Variants in PTPRD observed in about 807,000 individuals in gnomAD.
PTPRD encodes the protein protein tyrosine phosphatase receptor type D, also known as receptor-type tyrosine-protein phosphatase delta.
Under a neutral mutation model 214.5 loss-of-function variants are expected in PTPRD, and 34 were observed. The ratio of observed to expected loss-of-function variants is 0.16; its 90% CI spans 0.12 to 0.21. PTPRD has a LOEUF of 0.21. PTPRD is among the 10% of genes least tolerant of loss of function. The pLI is 1.00. For missense variants in PTPRD, 2,545 were observed against 2,398.7 expected (o/e 1.06, Z -1.27); for synonymous variants, 1,128 against 845.7 (o/e 1.33, Z -5.79).
intron 12 of PTPRD, among the ~76,000 whole-genome samples, chr9:8,702,158 T>C (rs967824220): frequency 4.6e-5 from 7 of 152,132 alleles, no homozygotes; most frequent in African/African-American, 7.2e-5. Flanking sequence ...TGTCAGACGG[T>C]TGCTTGGATT....
At chr9:9,777,181 C>T (rs373770535) in intron 5 of PTPRD, among the ~76,000 whole-genome samples, 24 of 152,180 alleles carry the variant, frequency 1.6e-4, no homozygotes, top group African/African-American at 5.8e-4. Context: ...AGATGTTCCT[C>T]AATAAAATGA....
chr9:9,828,039 C>A (rs1349785476), intron 5 of PTPRD, among the ~76,000 whole-genome samples: 1 of 152,132 alleles, frequency 6.6e-6, no homozygotes, highest in East Asian at 1.9e-4. Context: ...AATAGGAACA[C>A]TTTTACACTG....
chr9:10,227,467 G>T (rs1479568268), intron 3 of PTPRD, among the ~76,000 whole-genome samples: 1 of 151,724 alleles, frequency 6.6e-6, no homozygotes, highest in Non-Finnish European at 1.5e-5. Context: ...ACTCTTTCGC[G>T]TGAAAACTTT....
At chr9:9,333,103 T>C (rs1595919036) in intron 9 of PTPRD, among the ~76,000 whole-genome samples, 1 of 152,046 alleles carries the variant, frequency 6.6e-6, no homozygotes, top group South Asian at 2.1e-4. Flanking sequence ...AAAGACCACA[T>C]TTCTGGCTGC....
intron 2 of PTPRD, among the ~76,000 whole-genome samples, chr9:10,527,101 A>G (rs2054532886): frequency 6.6e-6 from 1 of 152,184 alleles, no homozygotes; most frequent in Admixed American, 6.6e-5. Flanking sequence ...GACAAAAGAC[A>G]AATACAATTG....
At chr9:10,170,565 T>C (rs2099195938) in intron 3 of PTPRD, among the ~76,000 whole-genome samples, 1 of 151,952 alleles carries the variant, frequency 6.6e-6, no homozygotes, top group Admixed American at 6.6e-5. Flanking sequence ...CAGGCGCCTG[T>C]AGTCCCAGCT....
chr9:9,920,212 A>G (rs2082167788), intron 5 of PTPRD, among the ~76,000 whole-genome samples: 1 of 152,138 alleles, frequency 6.6e-6, no homozygotes, highest in African/African-American at 2.4e-5. Context: ...GGATATTAGA[A>G]AACAGAACAG....
In PTPRD at chr9:8,586,889, T is replaced by C. The variant is rs578191682; in HGVS notation, c.352+46428A>G. On this transcript the variant is annotated intron_variant, in intron 14 of 45. Transcript: ENST00000381196. Reference sequence around the variant, plus strand: ...CCGGCTGGGCGCCGTGGCTCAGGCCTGTAATCCCAGCACTTTGGGAGACTG... The same window carrying C: ...CCGGCTGGGCGCCGTGGCTCAGGCCCGTAATCCCAGCACTTTGGGAGACTG... Among the ~76,000 whole-genome samples, 647 of 152,328 alleles carry C rather than the reference T, an allele frequency of 4.2e-3. 4 individuals carry two copies. Among genetic ancestry groups the C allele is most frequent in the Non-Finnish European group, 7.7e-3 (523 of 68,036 alleles).
At chr9:9,325,649 T>C (rs1969667161) in intron 9 of PTPRD, among the ~76,000 whole-genome samples, 2 of 152,174 alleles carry the variant, frequency 1.3e-5, no homozygotes, top group Non-Finnish European at 2.9e-5. Flanking sequence ...CAAGGACAAT[T>C]TGACTTCCTC....
intron 34 of PTPRD, among the ~76,000 whole-genome samples, chr9:8,441,688 G>A (rs1933905085): frequency 6.6e-6 from 1 of 152,086 alleles, no homozygotes; most frequent in South Asian, 2.1e-4. Context: ...AAAGAAGTAT[G>A]CTTCTTGCAT....
At chr9:8,626,000 CT>C (rs1214461464) in intron 14 of PTPRD, among the ~76,000 whole-genome samples, 1 of 151,508 alleles carries the variant, frequency 6.6e-6, no homozygotes, top group African/African-American at 2.4e-5. Flanking sequence ...TAATAAGTTA[CT>C]TGCTCTTCTA....
chr9:10,506,355 G>A lies in PTPRD; in HGVS notation c.-600+106043C>T, dbSNP rs186392683. On this transcript the variant is annotated intron_variant, in intron 2 of 45. Coordinates refer to ENST00000381196, the MANE Select transcript of PTPRD (RefSeq NM_002839.4). Reference sequence around the variant, plus strand: ...TTTGTCAAATTGAAAAGTAACCTTGGTACCATACTATTAGCCAAAGTAGAG... The same window carrying A: ...TTTGTCAAATTGAAAAGTAACCTTGATACCATACTATTAGCCAAAGTAGAG... Among the ~76,000 whole-genome samples the A allele has an allele frequency of 5.4e-3, 826 of 152,094 alleles. 15 individuals carry two copies. Among genetic ancestry groups the A allele is most frequent in the Non-Finnish European group, 6.7e-3 (453 of 67,956 alleles).
chr9:10,444,810 A>T lies in PTPRD; in HGVS notation c.-599-103793T>A, dbSNP rs546135502. Among the ~76,000 whole-genome samples, 24 of 152,078 alleles carry T rather than the reference A, an allele frequency of 1.6e-4. No individual in the cohort carries two copies. In the South Asian group the frequency reaches 4.8e-3, roughly 30 times the overall value. On this transcript the variant is annotated intron_variant, in intron 2 of 45. Coordinates refer to ENST00000381196, the MANE Select transcript of PTPRD (RefSeq NM_002839.4). ...AATGTTCAGATAATCTTTCTGAATA[A>T]ATTAGACTTTGTGTTTAAAATTAAC...
chr9:9,046,625 T>C (rs190022545), intron 10 of PTPRD, among the ~76,000 whole-genome samples: 4 of 152,256 alleles, frequency 2.6e-5, no homozygotes. Context: ...ATGATAGGGG[T>C]CATATAACTT....
At chr9:9,543,093 T>C (rs2077986784) in intron 8 of PTPRD, among the ~76,000 whole-genome samples, 1 of 151,706 alleles carries the variant, frequency 6.6e-6, no homozygotes. Flanking sequence ...AATTGTGGTA[T>C]ATTCATACAA....
At chr9:9,480,470 AT>A (rs1352443142) in intron 8 of PTPRD, among the ~76,000 whole-genome samples, 3 of 152,214 alleles carry the variant, frequency 2.0e-5, no homozygotes, top group Admixed American at 2.0e-4. Context: ...TCAAGAAGTT[AT>A]ATGCAAGGCA....
At chr9:10,358,560 T>A (rs188356330) in intron 2 of PTPRD, among the ~76,000 whole-genome samples, 78 of 152,096 alleles carry the variant, frequency 5.1e-4, no homozygotes, top group Non-Finnish European at 8.3e-4. Context: ...GAAAGATTTA[T>A]GTCTCTTAGC....
At chr9:8,508,073 C>T (rs1998515) in intron 21 of PTPRD, among the ~76,000 whole-genome samples, 1 of 151,998 alleles carries the variant, frequency 6.6e-6, no homozygotes, top group African/African-American at 2.4e-5. Flanking sequence ...ATTTAAAGAA[C>T]TACACCTAAT....
At chr9:9,313,538 T>G (rs1318087906) in intron 9 of PTPRD, among the ~76,000 whole-genome samples, 3 of 152,194 alleles carry the variant, frequency 2.0e-5, no homozygotes, top group Non-Finnish European at 4.4e-5. Flanking sequence ...AGCCTCTGTT[T>G]ACTTCTTCTT....
Sources: gnomAD v4.1 joint callset for allele counts (sites outside exome capture counted in the v4.1 genomes callset) on GRCh38, gnomAD v4.1.1 for gene constraint, MANE v1.5 for transcripts, NCBI Gene and HGNC (gene_info 2026-07-23, HGNC 2026-07-21) for gene names.